The following MAEL variants were observed in gnomAD, a reference collection of about 807,000 sequenced individuals.
MAEL encodes the protein maelstrom spermatogenic transposon silencer.
A neutral mutation model predicts 62.0 loss-of-function variants in MAEL; 46 were observed. The observed-to-expected ratio is 0.74, with a 90% CI of 0.59 to 0.95. The LOEUF is 0.95. Among genes scored for constraint, MAEL ranks in the 40% least tolerant of loss-of-function variants. The pLI, the probability that MAEL is intolerant of heterozygous loss-of-function variation, is 0.00. For missense variants in MAEL, 497 were observed against 526.8 expected, an observed-to-expected ratio of 0.94 and a Z score of 0.55; for synonymous variants, 172 against 175.5, an observed-to-expected ratio of 0.98 and a Z score of 0.16.
intron 1 of MAEL, among the ~76,000 whole-genome samples, chr1:166,979,207 G>C (rs1321014171): frequency 1.3e-5 from 2 of 152,144 alleles, no homozygotes; most frequent in African/African-American, 4.8e-5. Flanking sequence ...CTCTGATCCT[G>C]CATTCCAAGA....
chr1:166,989,831 TAA>T lies in MAEL; in HGVS notation c.225+4_225+5del. The T allele has an allele frequency of 6.2e-7, 1 of 1,609,176 alleles. No homozygotes were observed. On this transcript the variant is annotated splice_donor_region_variant and intron_variant, in intron 2 of 11. Transcript: ENST00000367872. The stretch of plus-strand genomic sequence containing the variant: ...GACCCTGGGCCCTCAGAGAAGCAGG[TAA>T]AGTTAACGAGAGAAGAGCCGCCATC...
chr1:167,019,332 C>T (rs538758589), intron 10 of MAEL, among the ~76,000 whole-genome samples: 1 of 152,142 alleles, frequency 6.6e-6, no homozygotes, highest in African/African-American at 2.4e-5. Context: ...GTGTTCACAT[C>T]ATCAGAATTA....
At chr1:166,990,361 A>C (rs1275661746) in intron 2 of MAEL, 1 of 152,480 alleles carries the variant, frequency 6.6e-6, no homozygotes, top group Non-Finnish European at 1.5e-5. Flanking sequence ...TATGTTTTAC[A>C]AGAGTTGAAT....
chr1:166,986,945 C>CGTGTGTGTGTGTGTGTGTGT (rs58393275), upstream of MAEL, among the ~76,000 whole-genome samples: 10 of 147,124 alleles, frequency 6.8e-5, no homozygotes, highest in Admixed American at 4.8e-4. Context: ...AGGAAGGGGA[C>CGTGTGTGTGTGTGTGTGTGT]GTGTGTGTGT....
chr1:167,016,454 T>C (rs1665392416), intron 9 of MAEL, among the ~76,000 whole-genome samples, 170 bp downstream of exon 9: 1 of 152,052 alleles, frequency 6.6e-6, no homozygotes, highest in East Asian at 1.9e-4. Context: ...CACCCTGGTT[T>C]AAAATGGCTT....
chr1:167,011,600 A>G (rs927720012), intron 8 of MAEL, among the ~76,000 whole-genome samples: 3 of 152,144 alleles, frequency 2.0e-5, no homozygotes, highest in African/African-American at 7.2e-5. Context: ...GCAAGTTTTG[A>G]TGCCAGTTCT....
At position 166,989,325 on chromosome 1, in the gene MAEL, T is replaced by C; in HGVS notation, c.-28T>C. 1 of 1,603,232 alleles carries C rather than the reference T, an allele frequency of 6.2e-7. No individual in the cohort carries two copies. Among genetic ancestry groups the C allele is most frequent in the Non-Finnish European group, 8.5e-7 (1 of 1,175,152 alleles). ...GAGGGCGCCGGTGCTTTGTTCTGTC[T>C]GAGGCCAGGAAGTTTGACCGCGCTG... On this transcript the variant is annotated 5_prime_UTR_variant, in exon 1 of 12. Coordinates refer to ENST00000367872, the MANE Select transcript of MAEL (RefSeq NM_032858.3).
intron 8 of MAEL, among the ~76,000 whole-genome samples, chr1:167,015,716 G>T (rs887490160): frequency 1.3e-5 from 2 of 151,852 alleles, no homozygotes; most frequent in African/African-American, 4.8e-5. Context: ...CTAAAATGTT[G>T]TTCCTCTCCA....
At chr1:166,979,400 CTG>C (rs2102055991) in intron 1 of MAEL, among the ~76,000 whole-genome samples, 1 of 151,470 alleles carries the variant, frequency 6.6e-6, no homozygotes, top group South Asian at 2.1e-4. Flanking sequence ...ACTAAAAAAA[CTG>C]GAACCCAGAA....
chr1:167,011,347 TTTG>T (rs1346797487), intron 8 of MAEL, among the ~76,000 whole-genome samples: 1 of 150,308 alleles, frequency 6.7e-6, no homozygotes, highest in Non-Finnish European at 1.5e-5. Flanking sequence ...TTTCCCCACG[TTTG>T]TTGTTGTTGT....
chr1:167,005,462 G>T, intron 8 of MAEL, 65 bp downstream of exon 8: 3 of 1,448,274 alleles, frequency 2.1e-6, no homozygotes, highest in Non-Finnish European at 2.8e-6. Context: ...AAATATGGTA[G>T]GACTATTTTT....
At chr1:166,995,714 G>T (rs926917310) in intron 5 of MAEL, among the ~76,000 whole-genome samples, 6 of 151,814 alleles carry the variant, frequency 4.0e-5, no homozygotes, top group Non-Finnish European at 7.4e-5. Context: ...AACTTAGCCG[G>T]TGAATTAATT....
At chr1:167,012,639 A>G (rs912828906) in intron 8 of MAEL, 3 of 152,242 alleles carry the variant, frequency 2.0e-5, no homozygotes, top group Non-Finnish European at 4.4e-5. Context: ...AATCAACAAG[A>G]CACTCTGACA....
chr1:166,986,539 TA>T (rs1663919387), upstream of MAEL, among the ~76,000 whole-genome samples: 1 of 152,162 alleles, frequency 6.6e-6, no homozygotes, highest in African/African-American at 2.4e-5. Context: ...GATAAAAATG[TA>T]AGTTTTAAAA....
At chr1:166,979,328 A>AT (rs1663689031) in intron 1 of MAEL, among the ~76,000 whole-genome samples, 1 of 151,554 alleles carries the variant, frequency 6.6e-6, no homozygotes, top group African/African-American at 2.4e-5. Flanking sequence ...CCCATCCTCC[A>AT]TACCTTCAAA....
chr1:167,012,594 T>G (rs1484113044), intron 8 of MAEL: 1 of 152,024 alleles, frequency 6.6e-6, no homozygotes, highest in Non-Finnish European at 1.5e-5. Context: ...ATAAAGAAAA[T>G]GGTAATTTTA....
At chr1:166,993,443 G>C (rs553001883) in intron 4 of MAEL, among the ~76,000 whole-genome samples, 1 of 152,222 alleles carries the variant, frequency 6.6e-6, no homozygotes, top group Admixed American at 6.5e-5. Flanking sequence ...AAGGTAAGTA[G>C]GAAAAATATA....
At chr1:166,991,999 A>G (rs1159458783) in intron 3 of MAEL, among the ~76,000 whole-genome samples, 2 of 152,212 alleles carry the variant, frequency 1.3e-5, no homozygotes, top group African/African-American at 4.8e-5. Flanking sequence ...TTTGTCAATT[A>G]AGAATAAAAT....
Position 167,004,169 on chromosome 1 carries a change from A to T in MAEL, c.524-11A>T. ...CTCAAAGTTTGAACTTCTCCTTTTT[A>T]TTTCCCTCAGGTGATTCTAGTCACA... On this transcript the variant is annotated splice_polypyrimidine_tract_variant and intron_variant, in intron 5 of 11. Transcript: ENST00000367872. 1 of 1,597,888 alleles carries T rather than the reference A, an allele frequency of 6.3e-7. No individual in the cohort carries two copies. The highest frequency in any genetic ancestry group is 8.5e-7 in the Non-Finnish European group (1 of 1,174,022).
Sources: gnomAD v4.1 joint callset for allele counts (sites outside exome capture counted in the v4.1 genomes callset) on GRCh38, gnomAD v4.1.1 for gene constraint, MANE v1.5 for transcripts, NCBI Gene and HGNC (gene_info 2026-07-23, HGNC 2026-07-21) for gene names.